Variants in ZC3H3 observed in about 807,000 individuals in gnomAD.
ZC3H3 encodes zinc finger CCCH-type containing 3, also known as zinc finger CCCH domain-containing protein 3.
Under a neutral mutation model 77.3 loss-of-function variants are expected in ZC3H3, and 36 were observed. That is an observed-to-expected ratio of 0.47 (90% CI 0.36 to 0.61). The LOEUF is 0.61. Ranked by LOEUF, ZC3H3 falls within the 20% of genes least tolerant of loss-of-function variation. ZC3H3 has a pLI of 0.00. For synonymous variants in ZC3H3, 626 were observed against 555.2 expected (o/e 1.13, Z -1.79); for missense variants, 1,331 against 1,312.2 (o/e 1.01, Z -0.22).
At chr8:143,445,804 C>T (rs1487041666) in intron 9 of ZC3H3, among the ~76,000 whole-genome samples, 1 of 152,178 alleles carries the variant, frequency 6.6e-6, no homozygotes, top group Non-Finnish European at 1.5e-5. Context: ...GCCCATTCCA[C>T]CAAACCGAGC....
At chr8:143,534,107 G>C (rs1471838629) in intron 3 of ZC3H3, among the ~76,000 whole-genome samples, 1 of 151,936 alleles carries the variant, frequency 6.6e-6, no homozygotes, top group Non-Finnish European at 1.5e-5. Context: ...AACAAAGCAA[G>C]ACCCTGTCCC....
chr8:143,461,595 G>A (rs1309228218), intron 9 of ZC3H3, among the ~76,000 whole-genome samples: 2 of 152,114 alleles, frequency 1.3e-5, no homozygotes, highest in Non-Finnish European at 2.9e-5. Flanking sequence ...GCCCCCAACT[G>A]GCAACCACCC....
At position 143,541,233 on chromosome 8, in the gene ZC3H3, C is replaced by T. The variant is rs1168667483; in HGVS notation, c.46+143G>A. The T allele has an allele frequency of 2.0e-6, 3 of 1,474,562 alleles. No homozygotes were observed. In the African/African-American group the frequency reaches 4.3e-5, roughly 21 times the overall value. 91.3% of individuals were successfully genotyped at this position (1,474,562 alleles called of 1,614,324 possible). ...CGGGCCCTGAGCCGGCCCACAAGTC[C>T]TGGCGGACCCTACCGTCCCCCACCC... On this transcript the variant is annotated intron_variant, in intron 1 of 11. Coordinates refer to ENST00000262577, the MANE Select transcript of ZC3H3 (RefSeq NM_015117.3).
intron 5 of ZC3H3, among the ~76,000 whole-genome samples, chr8:143,475,026 A>T (rs1820689204): frequency 6.6e-6 from 1 of 152,104 alleles, no homozygotes; most frequent in East Asian, 1.9e-4. Flanking sequence ...CCCCACAGAA[A>T]ATCAGGGGCC....
intron 5 of ZC3H3, among the ~76,000 whole-genome samples, chr8:143,469,591 C>G (rs1218795588): frequency 6.6e-6 from 1 of 152,210 alleles, no homozygotes; most frequent in Non-Finnish European, 1.5e-5. Flanking sequence ...CCTGGGAGGG[C>G]GGCCTGGGAG....
intron 3 of ZC3H3, among the ~76,000 whole-genome samples, chr8:143,529,469 G>C (rs1331991687): frequency 6.6e-6 from 1 of 152,194 alleles, no homozygotes; most frequent in Non-Finnish European, 1.5e-5. Flanking sequence ...GCACAGGGAG[G>C]ACCCAAGGAC....
chr8:143,475,063 T>C (rs1000065577), intron 5 of ZC3H3, among the ~76,000 whole-genome samples: 4 of 152,214 alleles, frequency 2.6e-5, no homozygotes, highest in Non-Finnish European at 1.5e-5. Flanking sequence ...TGGGCGCCAC[T>C]CCAGGGCCCT....
rs571792369 is a variant in ZC3H3 at position 143,475,854 on chromosome 8, C to G, written c.1716-269G>C. Among the ~76,000 whole-genome samples the G allele has an allele frequency of 4.0e-3, 602 of 152,308 alleles. 6 individuals are homozygous for G. The highest frequency in any genetic ancestry group is 0.014 in the African/African-American group (575 of 41,562). ...AAGGAGTCCCAGGAGGTGGCGCCCC[C>G]GACCCCACCCACGAGGCTGGGAACT... is the stretch of plus-strand genomic sequence containing the variant. On this transcript the variant is annotated intron_variant, in intron 4 of 11. Coordinates refer to ENST00000262577, the MANE Select transcript of ZC3H3 (RefSeq NM_015117.3).
At chr8:143,480,702 C>G (rs1434498334) in intron 4 of ZC3H3, among the ~76,000 whole-genome samples, 1 of 152,240 alleles carries the variant, frequency 6.6e-6, no homozygotes, top group Admixed American at 6.5e-5. Flanking sequence ...CCTCTGAGCA[C>G]CCGGGCCCTT....
intron 9 of ZC3H3, among the ~76,000 whole-genome samples, chr8:143,454,079 CTT>C (rs55882218): frequency 0.45 from 63,648 of 142,792 alleles, 14,448 homozygotes; most frequent in African/African-American, 0.58. Flanking sequence ...ATAACTTTTT[CTT>C]TTTTTTTTTT....
intron 3 of ZC3H3, among the ~76,000 whole-genome samples, chr8:143,534,327 T>A (rs966796994): frequency 6.9e-6 from 1 of 145,862 alleles, no homozygotes; most frequent in African/African-American, 2.5e-5. Flanking sequence ...TTCCCTCTAG[T>A]GAGGCAGGAC....
intron 9 of ZC3H3, among the ~76,000 whole-genome samples, chr8:143,450,390 AG>A (rs1819958474): frequency 6.6e-6 from 1 of 152,222 alleles, no homozygotes; most frequent in South Asian, 2.1e-4. Flanking sequence ...CATGTTGGCC[AG>A]GCTGATCTTG....
intron 4 of ZC3H3, among the ~76,000 whole-genome samples, chr8:143,489,599 G>A (rs1205295439): frequency 6.6e-6 from 1 of 152,228 alleles, no homozygotes; most frequent in Non-Finnish European, 1.5e-5. Flanking sequence ...GCAAGCCAGA[G>A]CACTGAGGGT....
At chr8:143,516,874 C>T (rs1822072290) in intron 3 of ZC3H3, among the ~76,000 whole-genome samples, 1 of 152,230 alleles carries the variant, frequency 6.6e-6, no homozygotes, top group African/African-American at 2.4e-5. Flanking sequence ...CCGACAGGGC[C>T]ATAAGTCACC....
At chr8:143,514,674 G>A (rs1396711005) in intron 3 of ZC3H3, among the ~76,000 whole-genome samples, 6 of 152,178 alleles carry the variant, frequency 3.9e-5, no homozygotes, top group Non-Finnish European at 8.8e-5. Context: ...TTCACGCAGA[G>A]CCAGGCCATG....
At chr8:143,483,413 C>T (rs1820962260) in intron 4 of ZC3H3, among the ~76,000 whole-genome samples, 1 of 152,180 alleles carries the variant, frequency 6.6e-6, no homozygotes, top group South Asian at 2.1e-4. Context: ...CTGGAGAGGC[C>T]CAGCCCGTGA....
Position 143,462,561 on chromosome 8 carries a change from C to A in ZC3H3, c.2307+3156G>T, listed in dbSNP as rs1321263172. On this transcript the variant is annotated intron_variant, in intron 9 of 11. Transcript: ENST00000262577. This position sits in a 1 kb window ranked among gnomAD's most constrained non-coding sequence, Gnocchi z 4.7. Reference sequence around the variant, plus strand: ...GCCTGGAGGATGAAGGCAGGGTGTGCGTGAGGGGAATCCCAGGTGACTCAG... The same window carrying A: ...GCCTGGAGGATGAAGGCAGGGTGTGAGTGAGGGGAATCCCAGGTGACTCAG... Among the ~76,000 whole-genome samples, 1 of 152,192 alleles carries A rather than the reference C, an allele frequency of 6.6e-6. No homozygotes were observed. Among genetic ancestry groups the A allele is most frequent in the Admixed American group, 6.5e-5 (1 of 15,286 alleles).
At chr8:143,532,821 T>C (rs551138743) in intron 3 of ZC3H3, among the ~76,000 whole-genome samples, 3 of 152,090 alleles carry the variant, frequency 2.0e-5, no homozygotes, top group Admixed American at 2.0e-4. Context: ...CAGCCTCCCA[T>C]CTCCTCAGCA....
intron 4 of ZC3H3, among the ~76,000 whole-genome samples, chr8:143,488,978 G>A (rs746515303): frequency 3.3e-5 from 5 of 152,246 alleles, no homozygotes; most frequent in Non-Finnish European, 4.4e-5. Flanking sequence ...GGCTGCTGAC[G>A]CTGACGAGGC....
Sources: allele counts gnomAD v4.1 joint callset (sites outside exome capture counted in the v4.1 genomes callset), GRCh38; gene constraint gnomAD v4.1.1; non-coding constraint Gnocchi (gnomAD v3.1); transcripts MANE v1.5; gene names NCBI Gene and HGNC (gene_info 2026-07-23, HGNC 2026-07-21).